The following ZNRF1 variants were observed in gnomAD, a reference collection of about 807,000 sequenced individuals.
The protein encoded by ZNRF1 is zinc and ring finger 1.
Under a neutral mutation model 18.4 loss-of-function variants are expected in ZNRF1, and 3 were observed. The ratio of observed to expected loss-of-function variants is 0.16; its 90% CI spans 0.07 to 0.42. The LOEUF is 0.42. Among genes scored for constraint, ZNRF1 ranks in the 10% least tolerant of loss-of-function variants. The pLI is 0.99. For missense variants in ZNRF1, 310 were observed against 329.8 expected (o/e 0.94, Z 0.47); for synonymous variants, 157 against 144.2 (o/e 1.09, Z -0.64).
At chr16:75,055,222 G>C (rs980334366) in intron 1 of ZNRF1, among the ~76,000 whole-genome samples, 5 of 152,172 alleles carry the variant, frequency 3.3e-5, no homozygotes, top group African/African-American at 1.2e-4. Flanking sequence ...TAAAGGAACT[G>C]TTTCTCAGGT....
intron 1 of ZNRF1, among the ~76,000 whole-genome samples, chr16:75,012,493 T>C (rs2035011982): frequency 6.6e-6 from 1 of 152,090 alleles, no homozygotes; most frequent in Non-Finnish European, 1.5e-5. Flanking sequence ...TTACAAAAAG[T>C]GGATTCATAT....
chr16:75,008,541 AG>A (rs1158954315), intron 1 of ZNRF1, among the ~76,000 whole-genome samples: 1 of 152,186 alleles, frequency 6.6e-6, no homozygotes, highest in East Asian at 1.9e-4. Context: ...AGAGGTTGGA[AG>A]ACCTGTTTTT....
At chr16:75,099,743 G>GCA (rs2036235054) in intron 2 of ZNRF1, among the ~76,000 whole-genome samples, 1 of 152,196 alleles carries the variant, frequency 6.6e-6, no homozygotes, top group Admixed American at 6.5e-5. Flanking sequence ...AGTTTGTGTG[G>GCA]GCCAGGCGCC....
At chr16:75,021,627 T>C (rs2035149732) in intron 1 of ZNRF1, among the ~76,000 whole-genome samples, 1 of 152,240 alleles carries the variant, frequency 6.6e-6, no homozygotes, top group Non-Finnish European at 1.5e-5. Context: ...GCAGTTACTG[T>C]TTCTCAGCAA....
At chr16:75,097,219 C>T (rs1318984523) in intron 2 of ZNRF1, among the ~76,000 whole-genome samples, 1 of 152,178 alleles carries the variant, frequency 6.6e-6, no homozygotes, top group Non-Finnish European at 1.5e-5. Context: ...AGTCTCTGGG[C>T]TAGCAGAACA....
At chr16:75,049,597 G>A (rs2035563596) in intron 1 of ZNRF1, among the ~76,000 whole-genome samples, 1 of 152,194 alleles carries the variant, frequency 6.6e-6, no homozygotes, top group South Asian at 2.1e-4. Context: ...CGGAGTTAGA[G>A]ACCAACCTGG....
chr16:75,050,887 A>AC (rs2035589496), intron 1 of ZNRF1, among the ~76,000 whole-genome samples: 1 of 29,464 alleles, frequency 3.4e-5, no homozygotes, highest in African/African-American at 7.7e-5. Flanking sequence ...AAAAAAAAAA[A>AC]ACAAAAAAAA....
At chr16:75,010,489 G>A (rs1227095247) in intron 1 of ZNRF1, among the ~76,000 whole-genome samples, 1 of 152,100 alleles carries the variant, frequency 6.6e-6, no homozygotes, top group Admixed American at 6.6e-5. Flanking sequence ...TACTTTGGCT[G>A]TTGGTAGTGC....
At chr16:75,031,817 T>G (rs913773232) in intron 1 of ZNRF1, among the ~76,000 whole-genome samples, 5 of 152,168 alleles carry the variant, frequency 3.3e-5, no homozygotes, top group Admixed American at 2.6e-4. Flanking sequence ...TACCTACGAG[T>G]AGAATTGCTC....
At chr16:75,070,045 C>T (rs1019920800) in intron 1 of ZNRF1, among the ~76,000 whole-genome samples, 5 of 152,194 alleles carry the variant, frequency 3.3e-5, no homozygotes, top group Admixed American at 2.0e-4. Context: ...CTTTAAAAAT[C>T]CTTTTAATCC....
At chr16:75,106,402 A>C in intron 3 of ZNRF1, 80 bp from the exon 4 acceptor site, 1 of 1,478,906 alleles carries the variant, frequency 6.8e-7, no homozygotes, top group Non-Finnish European at 9.4e-7. Flanking sequence ...CTGCTCAGGA[A>C]TCTGGCCCTC....
At chr16:75,002,243 A>G (rs2034860944) in intron 1 of ZNRF1, 1 of 152,176 alleles carries the variant, frequency 6.6e-6, no homozygotes, top group Non-Finnish European at 1.5e-5. Flanking sequence ...TTCATTTGAG[A>G]TGAATCTTCG....
At chr16:75,045,155 G>C (rs1389693647) in intron 1 of ZNRF1, among the ~76,000 whole-genome samples, 3 of 152,178 alleles carry the variant, frequency 2.0e-5, no homozygotes, top group African/African-American at 7.2e-5. Flanking sequence ...CTTGATGTGA[G>C]AGTTTTATTT....
intron 1 of ZNRF1, among the ~76,000 whole-genome samples, chr16:75,064,901 C>T (rs1310728414): frequency 6.6e-6 from 1 of 152,216 alleles, no homozygotes; most frequent in East Asian, 1.9e-4. Context: ...CCTGCTCCCT[C>T]AGCAGTGCAT....
intron 1 of ZNRF1, among the ~76,000 whole-genome samples, chr16:75,015,056 G>A (rs1366881303): frequency 2.0e-5 from 3 of 151,976 alleles, no homozygotes; most frequent in Non-Finnish European, 4.4e-5. Context: ...ATAATTCTTT[G>A]TTGTCATATG....
rs116670925 is a variant in ZNRF1, at chr16:75,054,825, T to C, written c.425-38747T>C. ...GAATTGCTCCATGGCAATGGTGCTT[T>C]GGCCTTCACTGCCCACATCACTGGG... On this transcript the variant is annotated intron_variant, in intron 1 of 4. Coordinates refer to ENST00000335325, the MANE Select transcript of ZNRF1 (RefSeq NM_032268.5). Among the ~76,000 whole-genome samples, 1,212 of 152,336 alleles carry C rather than the reference T, an allele frequency of 8.0e-3. 25 individuals carry two copies. The highest frequency in any genetic ancestry group is 0.027 in the African/African-American group (1,133 of 41,582).
chr16:75,010,038 A>C (rs991102593), intron 1 of ZNRF1, among the ~76,000 whole-genome samples: 1 of 152,104 alleles, frequency 6.6e-6, no homozygotes, highest in Non-Finnish European at 1.5e-5. Context: ...GCTGAAGTGC[A>C]GTGGTTCAGT....
intron 1 of ZNRF1, among the ~76,000 whole-genome samples, chr16:75,054,777 G>A (rs1261348842): frequency 6.6e-6 from 1 of 152,230 alleles, no homozygotes; most frequent in Non-Finnish European, 1.5e-5. Flanking sequence ...TTCACGTGGA[G>A]CGTGGCTTCT....
intron 1 of ZNRF1, chr16:75,046,626 A>C (rs2035519066): frequency 6.6e-6 from 1 of 151,918 alleles, no homozygotes; most frequent in South Asian, 2.1e-4. Context: ...CCCAGGCTGG[A>C]GCACAGTGGC....
Sources: gnomAD v4.1 joint callset for allele counts (sites outside exome capture counted in the v4.1 genomes callset) on GRCh38, gnomAD v4.1.1 for gene constraint, MANE v1.5 for transcripts, NCBI Gene and HGNC (gene_info 2026-07-23, HGNC 2026-07-21) for gene names.